FRMD3: variants seen among roughly 807,000 people sequenced by gnomAD.
FRMD3 encodes FERM domain-containing protein 3.
In FRMD3, 33 loss-of-function variants were observed where a neutral mutation model predicts 70.2. The ratio of observed to expected loss-of-function variants is 0.47; its 90% CI spans 0.36 to 0.63. The LOEUF (loss-of-function observed/expected upper bound fraction) is 0.63, where lower values mean the gene tolerates loss of function less well. Among genes scored for constraint, FRMD3 ranks in the 20% least tolerant of loss-of-function variants. The pLI, the probability that FRMD3 is intolerant of heterozygous loss-of-function variation, is 0.00. For missense variants in FRMD3, 632 were observed against 711.4 expected, an observed-to-expected ratio of 0.89 and a Z score of 1.27; for synonymous variants, 279 against 255.9, an observed-to-expected ratio of 1.09 and a Z score of -0.86.
intron 3 of FRMD3, among the ~76,000 whole-genome samples, chr9:83,363,763 C>T (rs1824695345): frequency 1.3e-5 from 2 of 152,032 alleles, no homozygotes. Context: ...ACCATGTTAG[C>T]CAGGATGGTC....
intron 1 of FRMD3, among the ~76,000 whole-genome samples, chr9:83,461,853 A>G (rs1827985421): frequency 6.6e-6 from 1 of 151,644 alleles, no homozygotes; most frequent in Non-Finnish European, 1.5e-5. Flanking sequence ...ACACCCAGCT[A>G]ATTTTTGTAT....
Position 83,433,208 on chromosome 9 carries a change from T to TA in FRMD3, c.148-43501dup, listed in dbSNP as rs954694883. Among the ~76,000 whole-genome samples, 35 of 152,240 alleles carry TA rather than the reference T, an allele frequency of 2.3e-4. 1 individual carries two copies. Among genetic ancestry groups the TA allele is most frequent in the African/African-American group, 8.4e-4 (35 of 41,560 alleles). On this transcript the variant is annotated intron_variant, in intron 1 of 13. Coordinates refer to ENST00000304195, the MANE Select transcript of FRMD3 (RefSeq NM_174938.6). ...TCATTCTTAAAATGTTTCCTTATTA[T>TA]AAAAAAATCTCAAGAGGCTAGGAAG...
intron 1 of FRMD3, among the ~76,000 whole-genome samples, chr9:83,446,645 T>C (rs1587860627): frequency 4.0e-5 from 2 of 49,422 alleles, no homozygotes; most frequent in East Asian, 1.0e-3. Context: ...AGACTCGGTC[T>C]CAAAAAAAAA....
At chr9:83,364,287 G>A (rs1336769289) in intron 3 of FRMD3, among the ~76,000 whole-genome samples, 3 of 152,116 alleles carry the variant, frequency 2.0e-5, no homozygotes, top group Non-Finnish European at 2.9e-5. Context: ...GGCTGGGCAC[G>A]GTGGCTCACG....
chr9:83,366,711 C>T (rs1423554840), intron 3 of FRMD3, among the ~76,000 whole-genome samples: 3 of 152,218 alleles, frequency 2.0e-5, no homozygotes, highest in African/African-American at 4.8e-5. Flanking sequence ...TGCATTTCTG[C>T]ACATCTGAGT....
At chr9:83,575,868 T>C in the FRMD3 span, among the ~76,000 whole-genome samples, 12 of 152,154 alleles carry the variant, frequency 7.9e-5, 1 homozygote, top group Admixed American at 7.9e-4. Flanking sequence ...TTCTAGAAAA[T>C]AGAAAAGTAG....
At chr9:83,371,564 C>T (rs1337277909) in intron 3 of FRMD3, among the ~76,000 whole-genome samples, 8 of 152,340 alleles carry the variant, frequency 5.3e-5, no homozygotes, top group Non-Finnish European at 1.2e-4. Context: ...ATCCGCCTGC[C>T]TCACGCCTCC....
chr9:83,468,548 A>G (rs1391467873), intron 1 of FRMD3, among the ~76,000 whole-genome samples: 1 of 152,148 alleles, frequency 6.6e-6, no homozygotes, highest in Non-Finnish European at 1.5e-5. Flanking sequence ...CTCTTTATTA[A>G]CAATAAGGAA....
chr9:83,350,970 T>C lies in FRMD3; in HGVS notation c.296-1213A>G, dbSNP rs149862376. The stretch of plus-strand genomic sequence containing the variant: ...ATCAAGGAAATAAAATAGTTAGCAT[T>C]ACTATTTCCATGGATTGGACATACC... On this transcript the variant is annotated intron_variant, in intron 3 of 13. Coordinates refer to ENST00000304195, the MANE Select transcript of FRMD3 (RefSeq NM_174938.6). The C allele has an allele frequency of 1.1e-3, 1,014 of 936,524 alleles. 10 individuals are homozygous for C. The African/African-American group carries it at 0.017, about 15-fold the overall frequency. The allele number at this position is 936,524 out of a possible 1,614,324, so 58.0% of individuals were successfully genotyped here.
intron 6 of FRMD3, among the ~76,000 whole-genome samples, chr9:83,321,539 G>T (rs1310364534): frequency 6.6e-6 from 1 of 152,132 alleles, no homozygotes; most frequent in Admixed American, 6.5e-5. Flanking sequence ...GGTCTGGGAA[G>T]ATATTTAATA....
chr9:83,373,641 A>ATGTG, intron 2 of FRMD3, among the ~76,000 whole-genome samples: 1 of 46,958 alleles, frequency 2.1e-5, no homozygotes, highest in African/African-American at 7.7e-5. Flanking sequence ...TACAGCACAT[A>ATGTG]CAAAGATCAC....
At chr9:83,348,927 G>A (rs956644720) in intron 4 of FRMD3, among the ~76,000 whole-genome samples, 1 of 152,168 alleles carries the variant, frequency 6.6e-6, no homozygotes, top group African/African-American at 2.4e-5. Context: ...CCAATGATCA[G>A]AGCAGATTAC....
intron 1 of FRMD3, among the ~76,000 whole-genome samples, chr9:83,509,834 CT>C (rs1457554437): frequency 6.6e-6 from 1 of 152,000 alleles, no homozygotes; most frequent in Admixed American, 6.6e-5. Context: ...TGTAATCATT[CT>C]TTGAGAGCCT....
chr9:83,441,636 C>T (rs1323034612), intron 1 of FRMD3, among the ~76,000 whole-genome samples: 1 of 152,138 alleles, frequency 6.6e-6, no homozygotes, highest in African/African-American at 2.4e-5. Flanking sequence ...GACTAGAAAA[C>T]ATCTGTTTCC....
At chr9:83,356,376 C>T (rs984677988) in intron 3 of FRMD3, among the ~76,000 whole-genome samples, 4 of 150,040 alleles carry the variant, frequency 2.7e-5, no homozygotes, top group African/African-American at 7.4e-5. Flanking sequence ...CCCGGGTTCA[C>T]GCCATTCTCC....
chr9:83,366,488 G>T (rs1433050706), intron 3 of FRMD3, among the ~76,000 whole-genome samples: 1 of 152,108 alleles, frequency 6.6e-6, no homozygotes, highest in Non-Finnish European at 1.5e-5. Flanking sequence ...CAGGAGAATT[G>T]CTTGAACCCA....
chr9:83,572,033 T>C, the FRMD3 span, among the ~76,000 whole-genome samples: 1 of 152,192 alleles, frequency 6.6e-6, no homozygotes, highest in Non-Finnish European at 1.5e-5. Flanking sequence ...AGCTCCCAGA[T>C]GATGCTAATG....
At chr9:83,434,819 C>CCCCTTT (rs1827086409) in intron 1 of FRMD3, among the ~76,000 whole-genome samples, 3 of 74,880 alleles carry the variant, frequency 4.0e-5, no homozygotes, top group Non-Finnish European at 4.6e-5. Flanking sequence ...CACCCCTCTG[C>CCCCTTT]TTTTTTTTTT....
At chr9:83,539,928 T>C (rs1829979156), upstream of FRMD3, among the ~76,000 whole-genome samples, 1 of 152,192 alleles carries the variant, frequency 6.6e-6, no homozygotes, top group Non-Finnish European at 1.5e-5. Flanking sequence ...CCTTCAAATG[T>C]TAGGGCAGAT....
Sources: allele counts gnomAD v4.1 joint callset (sites outside exome capture counted in the v4.1 genomes callset), GRCh38; gene constraint gnomAD v4.1.1; transcripts MANE v1.5; gene names NCBI Gene and HGNC (gene_info 2026-07-23, HGNC 2026-07-21).